The following NKAIN2 variants were observed in gnomAD, a reference collection of about 807,000 sequenced individuals.
NKAIN2 encodes the protein sodium/potassium transporting ATPase interacting 2.
A neutral mutation model predicts 32.6 loss-of-function variants in NKAIN2; 14 were observed. The ratio of observed to expected loss-of-function variants is 0.43; its 90% CI spans 0.28 to 0.67. The LOEUF is 0.67. NKAIN2 is among the 30% of genes least tolerant of loss of function. The probability of loss-of-function intolerance (pLI) is 0.17; values close to 1 mark genes in which losing one functional copy is unlikely to be tolerated. For missense variants in NKAIN2, 198 were observed against 258.3 expected, an observed-to-expected ratio of 0.77 and a Z score of 1.60; for synonymous variants, 80 against 87.2, an observed-to-expected ratio of 0.92 and a Z score of 0.46.
intron 3 of NKAIN2, among the ~76,000 whole-genome samples, chr6:124,462,582 C>T (rs1181869864): frequency 3.3e-5 from 5 of 151,936 alleles, no homozygotes; most frequent in African/African-American, 1.2e-4. Flanking sequence ...TTATATATCT[C>T]AGGCTGCCTG....
chr6:124,599,644 A>G (rs1293177290), intron 3 of NKAIN2, among the ~76,000 whole-genome samples: 2 of 152,142 alleles, frequency 1.3e-5, no homozygotes, highest in Non-Finnish European at 2.9e-5. Context: ...AAGTTAGAGT[A>G]GTTGAAATGT....
chr6:124,820,336 A>G (rs1322226155), intron 6 of NKAIN2, among the ~76,000 whole-genome samples: 1 of 152,236 alleles, frequency 6.6e-6, no homozygotes, highest in Non-Finnish European at 1.5e-5. Context: ...ACTTTGTTTG[A>G]ATAACTCTAT....
At chr6:124,625,508 A>G (rs1783285195) in intron 3 of NKAIN2, among the ~76,000 whole-genome samples, 1 of 152,154 alleles carries the variant, frequency 6.6e-6, no homozygotes, top group Admixed American at 6.5e-5. Context: ...TCAGTTGCTT[A>G]AAATGAGAGC....
intron 1 of NKAIN2, among the ~76,000 whole-genome samples, chr6:124,056,456 T>G (rs1358178121): frequency 6.6e-6 from 1 of 151,838 alleles, no homozygotes; most frequent in African/African-American, 2.4e-5. Context: ...TAAAGGCCAG[T>G]TCTTGTGACA....
At chr6:124,769,742 T>G (rs531392405) in intron 4 of NKAIN2, among the ~76,000 whole-genome samples, 6 of 152,316 alleles carry the variant, frequency 3.9e-5, no homozygotes, top group Admixed American at 3.9e-4. Context: ...GCTAGATTCA[T>G]TTACAAGTGA....
intron 1 of NKAIN2, among the ~76,000 whole-genome samples, chr6:124,065,544 AAC>A (rs1368473838): frequency 2.6e-5 from 4 of 152,132 alleles, no homozygotes; most frequent in Non-Finnish European, 2.9e-5. Flanking sequence ...GCCATGTGAG[AAC>A]ACAGTGTTCC....
chr6:123,804,224 C>T lies in NKAIN2; in HGVS notation c.24C>T (p.Cys8=). 1 of 1,613,550 alleles carries T rather than the reference C, an allele frequency of 6.2e-7. No individual in the cohort carries two copies. Among genetic ancestry groups the T allele is most frequent in the South Asian group, 1.1e-5 (1 of 91,068 alleles). MGYCSGR[C]TLIFICGMQL... Reference sequence around the variant, plus strand: ...CCATGGGTTATTGCAGTGGCAGGTGCACGCTTATCTTTATCTGTGGCATGC... The same window carrying T: ...CCATGGGTTATTGCAGTGGCAGGTGTACGCTTATCTTTATCTGTGGCATGC... The change falls in exon 1 of 7, where the codon TGC becomes TGT. Residue 8 remains cysteine, a synonymous_variant. Coordinates refer to ENST00000368417, the MANE Select transcript of NKAIN2 (RefSeq NM_001040214.3).
chr6:124,322,377 C>T (rs935691545), intron 2 of NKAIN2, among the ~76,000 whole-genome samples: 3 of 151,938 alleles, frequency 2.0e-5, no homozygotes, highest in Non-Finnish European at 4.4e-5. Context: ...CCCAGTTTTC[C>T]CTAATCGTTA....
chr6:124,242,349 A>G (rs1285537981), intron 1 of NKAIN2, among the ~76,000 whole-genome samples: 1 of 152,192 alleles, frequency 6.6e-6, no homozygotes, highest in Non-Finnish European at 1.5e-5. Context: ...ATGAGATACC[A>G]TCTCATGCAA....
chr6:123,838,337 A>G (rs1025982412), intron 1 of NKAIN2, among the ~76,000 whole-genome samples: 5 of 152,122 alleles, frequency 3.3e-5, no homozygotes, highest in Non-Finnish European at 7.4e-5. Context: ...TCCGTTATGA[A>G]TCTATATTTT....
At chr6:124,663,523 G>T (rs559404079) in intron 4 of NKAIN2, among the ~76,000 whole-genome samples, 2 of 151,752 alleles carry the variant, frequency 1.3e-5, no homozygotes, top group Admixed American at 1.3e-4. Flanking sequence ...TACCCAAAAC[G>T]CATGACTTCT....
chr6:123,965,525 C>G (rs1778031265), intron 1 of NKAIN2, among the ~76,000 whole-genome samples: 1 of 152,098 alleles, frequency 6.6e-6, no homozygotes, highest in South Asian at 2.1e-4. Flanking sequence ...GGTTAAGACC[C>G]TGTGATCTGT....
At chr6:124,370,037 G>A (rs1458556763) in intron 3 of NKAIN2, among the ~76,000 whole-genome samples, 1 of 151,652 alleles carries the variant, frequency 6.6e-6, no homozygotes, top group Non-Finnish European at 1.5e-5. Flanking sequence ...GAGCAAACAA[G>A]TGACTGTTTT....
Position 124,823,512 on chromosome 6 carries a change from C to T in NKAIN2, c.*283C>T. ...GAAAGCAGGCCCCTTTCTCCCAGGC[C>T]TTCGGAAAGTTCAGAAGGAGATGTG... On this transcript the variant is annotated 3_prime_UTR_variant, in exon 7 of 7. Transcript: ENST00000368417. 2.4e-6 allele frequency: 1 copy of T among 409,064 alleles called. No homozygotes were observed. The allele number at this position is 409,064 out of a possible 1,614,324, so 25.3% of individuals were successfully genotyped here.
intron 3 of NKAIN2, among the ~76,000 whole-genome samples, chr6:124,587,216 G>A (rs900360367): frequency 7.2e-5 from 11 of 152,080 alleles, no homozygotes; most frequent in Non-Finnish European, 1.5e-4. Flanking sequence ...GAGGGGTAAA[G>A]TAGAGGTAGG....
intron 1 of NKAIN2, among the ~76,000 whole-genome samples, chr6:124,031,708 A>G (rs984335592): frequency 2.0e-5 from 3 of 152,132 alleles, no homozygotes; most frequent in Admixed American, 6.6e-5. Flanking sequence ...GTTTCCATGT[A>G]GTTGAGCGAT....
intron 1 of NKAIN2, among the ~76,000 whole-genome samples, chr6:124,102,170 A>G (rs961533102): frequency 2.0e-5 from 3 of 152,226 alleles, no homozygotes; most frequent in African/African-American, 7.2e-5. Flanking sequence ...GAGCTGCTGA[A>G]GCACAGGAAA....
At chr6:124,107,490 A>C (rs1312361008) in intron 1 of NKAIN2, among the ~76,000 whole-genome samples, 1 of 152,158 alleles carries the variant, frequency 6.6e-6, no homozygotes, top group Non-Finnish European at 1.5e-5. Context: ...GGTAAAATTT[A>C]CATTATTCAT....
At chr6:124,811,424 T>A (rs1376911409) in intron 5 of NKAIN2, among the ~76,000 whole-genome samples, 2 of 152,168 alleles carry the variant, frequency 1.3e-5, no homozygotes, top group Non-Finnish European at 2.9e-5. Context: ...CTGAACTCAG[T>A]GTTCATGATT....
Sources: gnomAD v4.1 joint callset for allele counts (sites outside exome capture counted in the v4.1 genomes callset) on GRCh38, gnomAD v4.1.1 for gene constraint, MANE v1.5 for transcripts, NCBI Gene and HGNC (gene_info 2026-07-23, HGNC 2026-07-21) for gene names.